HCK: variants seen among roughly 807,000 people sequenced by gnomAD.
HCK encodes tyrosine-protein kinase HCK.
Under a neutral mutation model 70.4 loss-of-function variants are expected in HCK, and 40 were observed. The ratio of observed to expected loss-of-function variants is 0.57; its 90% CI spans 0.44 to 0.74. HCK has a LOEUF of 0.74. HCK is among the 30% of genes least tolerant of loss of function. The probability of loss-of-function intolerance (pLI) is 0.00; values close to 1 mark genes in which losing one functional copy is unlikely to be tolerated. For missense variants in HCK, 568 were observed against 697.2 expected (o/e 0.81, Z 2.09); for synonymous variants, 245 against 263.2 (o/e 0.93, Z 0.67).
intron 1 of HCK, 121 bp from the exon 2 acceptor site, chr20:32,071,541 A>T: frequency 7.9e-7 from 1 of 1,258,556 alleles, no homozygotes; most frequent in Non-Finnish European, 1.1e-6. Context: ...CAGGGGAGTT[A>T]AGACCGGGAA....
chr20:32,091,308 C>G (rs1026743894), intron 10 of HCK, among the ~76,000 whole-genome samples: 2 of 152,326 alleles, frequency 1.3e-5, no homozygotes, highest in African/African-American at 4.8e-5. Flanking sequence ...CAGGTAAGTG[C>G]GTGGACCCCA....
At position 32,053,206 on chromosome 20, in the gene HCK, A is replaced by G. The variant is rs575286660; in HGVS notation, c.62+720A>G. ...GCGTGTGAGAGACAGGCTAGTGGGT[A>G]GCGGAGGGGGCTTCTAGGGGCAAAC... is the stretch of plus-strand genomic sequence containing the variant. On this transcript the variant is annotated intron_variant, in intron 1 of 12. Transcript: ENST00000375852. Among the ~76,000 whole-genome samples the G allele has an allele frequency of 4.6e-5, 7 of 152,218 alleles. No homozygotes were observed. The South Asian group carries it at 1.2e-3, about 27-fold the overall frequency.
intron 2 of HCK, 63 bp from the exon 3 acceptor site, chr20:32,073,256 G>C (rs370137944): frequency 3.5e-6 from 5 of 1,426,126 alleles, no homozygotes; most frequent in Non-Finnish European, 4.9e-6. Context: ...TCTCAACACA[G>C]ACCTTCCACG....
At chr20:32,084,577 A>C in intron 8 of HCK, 34 bp downstream of exon 8, 1 of 1,587,552 alleles carries the variant, frequency 6.3e-7, no homozygotes, top group Non-Finnish European at 8.6e-7. Context: ...ACAGGGCCAG[A>C]GGGTGGAGGG....
intron 11 of HCK, among the ~76,000 whole-genome samples, chr20:32,096,675 A>T (rs1450845734): frequency 6.6e-6 from 1 of 151,772 alleles, no homozygotes; most frequent in African/African-American, 2.4e-5. Flanking sequence ...CTAATTTTTT[A>T]ATTATTTGTA....
Position 32,061,453 on chromosome 20 carries a change from C to T in HCK, c.62+8967C>T, listed in dbSNP as rs6119757. ...GGACTTCAGAGCACAGCAGCTGAGC[C>T]GCTGATCAATTTCTCCAGTCGTACT... On this transcript the variant is annotated intron_variant, in intron 1 of 12. Transcript: ENST00000375852. 4.3e-3 allele frequency among the ~76,000 whole-genome samples: 654 copies of T among 152,278 alleles called. 4 individuals are homozygous for T. Among genetic ancestry groups the T allele is most frequent in the African/African-American group, 0.015 (637 of 41,554 alleles).
chr20:32,085,585 G>A (rs1408610105), intron 8 of HCK, among the ~76,000 whole-genome samples: 3 of 152,178 alleles, frequency 2.0e-5, no homozygotes, highest in Admixed American at 6.5e-5. Flanking sequence ...ACAGATCTGA[G>A]TGGTGAGATT....
chr20:32,059,293 T>TTCCTTCCTTCCTTCCTTCCC (rs1188956257), intron 1 of HCK, among the ~76,000 whole-genome samples: 90 of 149,024 alleles, frequency 6.0e-4, no homozygotes, highest in East Asian at 1.2e-3. Context: ...CCTTCCTTCC[T>TTCCTTCCTTCCTTCCTTCCC]TCCCTCCCTC....
At chr20:32,093,824 C>A (rs769428440) in intron 10 of HCK, 39 bp from the exon 11 acceptor site, 1 of 1,584,616 alleles carries the variant, frequency 6.3e-7, no homozygotes. Flanking sequence ...TTGGCGTAGG[C>A]CAGGTCTGAG....
chr20:32,101,554 G>T lies in HCK; in HGVS notation c.*35G>T, dbSNP rs1385611286. ...CCAGGGCAGGGCCAGGGGGTGCCCA[G>T]GTGGTGGCTGCAAGGTGGCTCCAGC... On this transcript the variant is annotated 3_prime_UTR_variant, in exon 13 of 13. Transcript: ENST00000375852. 1 of 1,570,962 alleles carries T rather than the reference G, an allele frequency of 6.4e-7. No homozygotes were observed. The highest frequency in any genetic ancestry group is 1.1e-5 in the South Asian group (1 of 87,826).
At chr20:32,053,440 C>G (rs2122432145) in intron 1 of HCK, among the ~76,000 whole-genome samples, 1 of 151,832 alleles carries the variant, frequency 6.6e-6, no homozygotes, top group East Asian at 1.9e-4. Flanking sequence ...GAGTTTGAGA[C>G]CAGCCTGGCC....
Position 32,071,787 on chromosome 20 carries a change from G to GT in HCK, c.183+6dup. ...CCCACATCCACCATCAAGCCGGTGA[G>GT]TAGGGGAGGTCCCAGTTTCCCTGGG... On this transcript the variant is annotated splice_donor_region_variant and intron_variant, in intron 2 of 12. Transcript: ENST00000375852. The GT allele has an allele frequency of 6.2e-7, 1 of 1,612,864 alleles. No homozygotes were observed. The highest frequency in any genetic ancestry group is 1.1e-5 in the South Asian group (1 of 90,984).
rs374360915 is a variant in HCK at position 32,099,121 on chromosome 20, G to T, written c.1364G>T (p.Arg455Leu). 1 of 1,613,898 alleles carries T rather than the reference G, an allele frequency of 6.2e-7. No homozygotes were observed. Among genetic ancestry groups the T allele is most frequent in the Non-Finnish European group, 8.5e-7 (1 of 1,179,952 alleles). Reference sequence around the variant, plus strand: ...CTGATGGAGATCGTCACCTACGGCCGGATCCCTTACCCAGGTAGGGAAGGG... The same window carrying T: ...CTGATGGAGATCGTCACCTACGGCCTGATCCCTTACCCAGGTAGGGAAGGG... The change falls in exon 12 of 13, where the codon CGG (arginine) becomes CTG (leucine). Residue 455 changes from arginine to leucine, a missense_variant. Coordinates refer to ENST00000375852, the MANE Select transcript of HCK (RefSeq NM_002110.5).
At chr20:32,073,665 CT>C in intron 3 of HCK, 50 bp from the exon 4 acceptor site, 1 of 1,269,254 alleles carries the variant, frequency 7.9e-7, no homozygotes, top group South Asian at 1.3e-5. Context: ...TCACCAAGGG[CT>C]GTGGATGCAC....
chr20:32,055,909 A>G (rs965667681), intron 1 of HCK, among the ~76,000 whole-genome samples: 2 of 152,202 alleles, frequency 1.3e-5, no homozygotes, highest in African/African-American at 4.8e-5. Context: ...TTTAACATAA[A>G]TAGAAGCATA....
intron 5 of HCK, among the ~76,000 whole-genome samples, chr20:32,075,594 T>C (rs2045610442): frequency 6.6e-6 from 1 of 152,182 alleles, no homozygotes; most frequent in Non-Finnish European, 1.5e-5. Flanking sequence ...ATAAGATATA[T>C]CCCTACCCTC....
intron 5 of HCK, among the ~76,000 whole-genome samples, chr20:32,078,818 C>T (rs2045665399): frequency 7.3e-6 from 1 of 137,516 alleles, no homozygotes; most frequent in Non-Finnish European, 1.5e-5. Context: ...GATCACACCA[C>T]TGCACTCCAG....
intron 1 of HCK, chr20:32,069,855 T>C (rs2045512861): frequency 1.2e-6 from 1 of 819,722 alleles, no homozygotes; most frequent in South Asian, 1.6e-5. Context: ...TACATGTTTA[T>C]TTTAACAAGA....
At chr20:32,067,531 C>T (rs970201520) in intron 1 of HCK, among the ~76,000 whole-genome samples, 8 of 110,332 alleles carry the variant, frequency 7.3e-5, no homozygotes, top group East Asian at 2.6e-4. Flanking sequence ...GATGCTTTTA[C>T]TTTTTTTTTT....
Sources: allele counts gnomAD v4.1 joint callset (sites outside exome capture counted in the v4.1 genomes callset), GRCh38; gene constraint gnomAD v4.1.1; transcripts MANE v1.5; gene names NCBI Gene and HGNC (gene_info 2026-07-23, HGNC 2026-07-21).